The following MIPOL1 variants were observed in gnomAD, a reference collection of about 807,000 sequenced individuals.
MIPOL1 encodes the protein mirror-image polydactyly 1, also known as mirror-image polydactyly gene 1 protein.
Under a neutral mutation model 60.9 loss-of-function variants are expected in MIPOL1, and 57 were observed. That is an observed-to-expected ratio of 0.94 (90% confidence interval 0.76 to 1.17). The LOEUF is 1.17. MIPOL1 is among the 50% of genes most tolerant of loss of function. The probability of loss-of-function intolerance (pLI) is 0.00; values close to 1 mark genes in which losing one functional copy is unlikely to be tolerated. For synonymous variants in MIPOL1, 179 were observed against 168.8 expected (o/e 1.06, Z -0.47); for missense variants, 551 against 511.6 (o/e 1.08, Z -0.74).
chr14:37,377,118 A>G (rs541767892), intron 10 of MIPOL1, among the ~76,000 whole-genome samples: 20 of 152,294 alleles, frequency 1.3e-4, no homozygotes, highest in African/African-American at 4.8e-4. Context: ...CTACCCGGGA[A>G]GGAGTCAGGA....
intron 11 of MIPOL1, among the ~76,000 whole-genome samples, chr14:37,432,981 A>G (rs72674209): frequency 0.078 from 11,931 of 152,250 alleles, 683 homozygotes; most frequent in East Asian, 0.31. Context: ...GGCTCAAACA[A>G]TTGTGGGGCC....
intron 9 of MIPOL1, 26 bp downstream of exon 9, chr14:37,308,545 C>A: frequency 7.0e-7 from 1 of 1,434,812 alleles, no homozygotes; most frequent in Non-Finnish European, 9.2e-7. Context: ...TCTGTAAAAG[C>A]ATATACTTAC....
chr14:37,403,833 A>G (rs1159589499), intron 10 of MIPOL1, among the ~76,000 whole-genome samples: 4 of 152,204 alleles, frequency 2.6e-5, no homozygotes, highest in Admixed American at 1.3e-4. Flanking sequence ...CAACAGGGAC[A>G]TGAGGAAGGT....
At chr14:37,433,637 C>G (rs916678226) in intron 11 of MIPOL1, among the ~76,000 whole-genome samples, 1 of 152,196 alleles carries the variant, frequency 6.6e-6, no homozygotes, top group South Asian at 2.1e-4. Flanking sequence ...CTCACTGCAA[C>G]CTCTGCCTCC....
intron 1 of MIPOL1, among the ~76,000 whole-genome samples, chr14:37,232,537 A>G (rs1462090777): frequency 1.4e-5 from 2 of 145,592 alleles, no homozygotes; most frequent in African/African-American, 4.9e-5. Flanking sequence ...AAGTCTTCTA[A>G]TGTCATCTTA....
At chr14:37,463,407 A>G (rs1215058741) in intron 11 of MIPOL1, among the ~76,000 whole-genome samples, 1 of 152,194 alleles carries the variant, frequency 6.6e-6, no homozygotes, top group African/African-American at 2.4e-5. Flanking sequence ...ATAGAAAAAT[A>G]GACATATAGA....
At chr14:37,414,917 C>G (rs2093737815) in intron 10 of MIPOL1, among the ~76,000 whole-genome samples, 1 of 152,072 alleles carries the variant, frequency 6.6e-6, no homozygotes, top group South Asian at 2.1e-4. Flanking sequence ...ATTGCTAGAT[C>G]CAGCAGAGAT....
At position 37,467,810 on chromosome 14, in the gene MIPOL1, T is replaced by C. The variant is rs569891863; in HGVS notation, c.1032-32098T>C. Among the ~76,000 whole-genome samples the C allele has an allele frequency of 1.6e-4, 25 of 152,180 alleles. No homozygotes were observed. In the East Asian group the frequency reaches 4.5e-3, roughly 27 times the overall value. On this transcript the variant is annotated intron_variant, in intron 11 of 12. Coordinates refer to ENST00000684589, the MANE Select transcript of MIPOL1 (RefSeq NM_001388067.1). ...TGGCTCATGCCTATAATCCCAGCAC[T>C]TTGGGAGGCTGAGGTGGCGGATCAC...
intron 12 of MIPOL1, among the ~76,000 whole-genome samples, chr14:37,527,678 A>T (rs912387295): frequency 2.0e-5 from 3 of 151,956 alleles, no homozygotes; most frequent in African/African-American, 7.2e-5. Context: ...TGTATAAAAA[A>T]CTCTGCTTCT....
intron 1 of MIPOL1, among the ~76,000 whole-genome samples, chr14:37,199,103 G>T (rs1478858310): frequency 2.6e-5 from 4 of 152,132 alleles, no homozygotes; most frequent in African/African-American, 9.7e-5. Flanking sequence ...AGTTTATAGA[G>T]ATATTTTTAT....
chr14:37,327,470 TAG>T (rs1369477029), intron 9 of MIPOL1, among the ~76,000 whole-genome samples: 2 of 152,114 alleles, frequency 1.3e-5, no homozygotes, highest in Admixed American at 6.5e-5. Context: ...GATTTTTTTG[TAG>T]AGACAGAGTC....
At chr14:37,238,951 TC>T (rs2153339972) in intron 1 of MIPOL1, among the ~76,000 whole-genome samples, 1 of 150,716 alleles carries the variant, frequency 6.6e-6, no homozygotes, top group African/African-American at 2.4e-5. Flanking sequence ...AGACCCAGTC[TC>T]AAAAAAAAAG....
intron 11 of MIPOL1, among the ~76,000 whole-genome samples, chr14:37,483,203 C>G (rs2094898713): frequency 6.6e-6 from 1 of 151,218 alleles, no homozygotes; most frequent in African/African-American, 2.4e-5. Flanking sequence ...ACCTCCGCCT[C>G]CTGGGTTCAA....
chr14:37,220,292 T>C (rs1413410709), intron 1 of MIPOL1, among the ~76,000 whole-genome samples: 1 of 152,216 alleles, frequency 6.6e-6, no homozygotes, highest in Non-Finnish European at 1.5e-5. Flanking sequence ...GTCTCAAACA[T>C]GTACATATAA....
intron 10 of MIPOL1, among the ~76,000 whole-genome samples, chr14:37,421,963 T>C (rs899389833): frequency 3.9e-5 from 6 of 152,038 alleles, no homozygotes; most frequent in Non-Finnish European, 7.4e-5. Flanking sequence ...GTGACAACAA[T>C]TTGCTCTGTG....
intron 11 of MIPOL1, among the ~76,000 whole-genome samples, chr14:37,432,188 A>C (rs1275595736): frequency 6.6e-6 from 1 of 152,142 alleles, no homozygotes; most frequent in Non-Finnish European, 1.5e-5. Flanking sequence ...ATCCTTTTCT[A>C]ATCTTGTCCG....
chr14:37,481,548 T>C (rs2153598798), intron 11 of MIPOL1, among the ~76,000 whole-genome samples: 1 of 132,382 alleles, frequency 7.6e-6, no homozygotes, highest in South Asian at 2.4e-4. Flanking sequence ...GGAACTCATA[T>C]GGACCCCCCC....
chr14:37,428,100 A>G (rs181222867), intron 11 of MIPOL1, among the ~76,000 whole-genome samples: 5 of 152,298 alleles, frequency 3.3e-5, no homozygotes, highest in African/African-American at 9.6e-5. Flanking sequence ...GGCTGGGAAA[A>G]TATAGGATTA....
At chr14:37,428,123 A>G (rs942505844) in intron 11 of MIPOL1, among the ~76,000 whole-genome samples, 1 of 152,338 alleles carries the variant, frequency 6.6e-6, no homozygotes, top group Non-Finnish European at 1.5e-5. Context: ...ACAGGTAGCT[A>G]GAGCCTGGAG....
Sources: gnomAD v4.1 joint callset for allele counts (sites outside exome capture counted in the v4.1 genomes callset) on GRCh38, gnomAD v4.1.1 for gene constraint, MANE v1.5 for transcripts, NCBI Gene and HGNC (gene_info 2026-07-23, HGNC 2026-07-21) for gene names.